GTPBP1: variants seen among roughly 807,000 people sequenced by gnomAD.
GTPBP1 encodes GTP-binding protein 1.
Under a neutral mutation model 62.0 loss-of-function variants are expected in GTPBP1, and 23 were observed. The observed-to-expected ratio is 0.37, with a 90% CI of 0.27 to 0.53. The LOEUF (loss-of-function observed/expected upper bound fraction) is 0.53, where lower values mean the gene tolerates loss of function less well. GTPBP1 is among the 20% of genes least tolerant of loss of function. The pLI, the probability that GTPBP1 is intolerant of heterozygous loss-of-function variation, is 0.89. For synonymous variants in GTPBP1, 344 were observed against 364.4 expected (o/e 0.94, Z 0.64); for missense variants, 640 against 917.3 (o/e 0.70, Z 3.90).
rs191565594 is a variant in GTPBP1 at position 38,723,554 on chromosome 22, C to G, written c.959-743C>G. The stretch of plus-strand genomic sequence containing the variant: ...CCTTTGTCTTGTACTTAGGTCTTGG[C>G]CTGAATTTCCATCAGCCCAGAATCT... On this transcript the variant is annotated intron_variant, in intron 5 of 11. Coordinates refer to ENST00000216044, the MANE Select transcript of GTPBP1 (RefSeq NM_004286.5). 419 of 601,540 alleles carry G rather than the reference C, an allele frequency of 7.0e-4. 4 individuals are homozygous for G. The East Asian group carries it at 0.012, about 17-fold the overall frequency. 37.3% of individuals were successfully genotyped at this position (601,540 alleles called of 1,614,324 possible).
chr22:38,721,389 A>T (rs1249173248), intron 4 of GTPBP1, among the ~76,000 whole-genome samples: 1 of 151,344 alleles, frequency 6.6e-6, no homozygotes, highest in East Asian at 1.9e-4. Flanking sequence ...TAATTTTTGT[A>T]TTTTTTTGTA....
chr22:38,727,964 CCT>C lies in GTPBP1; in HGVS notation c.1538-16_1538-15del. The stretch of plus-strand genomic sequence containing the variant: ...ACCAGGTGGCTCCAGCCTATCCTGA[CCT>C]CTGGCTTCCTTGACAGTGCACTGTG... On this transcript the variant is annotated splice_polypyrimidine_tract_variant and intron_variant, in intron 9 of 11. Transcript: ENST00000216044. The surrounding 1 kb of genome is among the most constrained non-coding windows in gnomAD (Gnocchi z 6.5). 6.2e-7 allele frequency: 1 copy of C among 1,609,726 alleles called. No individual in the cohort carries two copies. The highest frequency in any genetic ancestry group is 1.1e-5 in the South Asian group (1 of 90,972).
chr22:38,742,418 C>G (rs1349061886), downstream of GTPBP1: 2 of 1,613,436 alleles, frequency 1.2e-6, no homozygotes, highest in Non-Finnish European at 1.7e-6. Context: ...CACCACCTCC[C>G]TGGCCAGGAG....
intron 2 of GTPBP1, among the ~76,000 whole-genome samples, chr22:38,715,545 A>G (rs2092664806): frequency 6.6e-6 from 1 of 152,124 alleles, no homozygotes; most frequent in South Asian, 2.1e-4. Context: ...AGAGTGCAGC[A>G]CTTGAGCTGT....
downstream of GTPBP1, chr22:38,734,373 C>A: frequency 2.3e-6 from 1 of 432,694 alleles, no homozygotes; most frequent in Non-Finnish European, 4.8e-6. Flanking sequence ...AGAATCACTG[C>A]ACTCCAAGTG....
chr22:38,738,426 G>A, downstream of GTPBP1: 1 of 1,151,176 alleles, frequency 8.7e-7, no homozygotes, highest in Middle Eastern at 2.3e-4. The surrounding 1 kb of genome is among the most constrained non-coding windows in gnomAD (Gnocchi z 6.6). Flanking sequence ...CAAAGCCTAA[G>A]GTAACAGGGA....
intron 2 of GTPBP1, among the ~76,000 whole-genome samples, chr22:38,712,953 G>C (rs1296615775): frequency 6.6e-6 from 1 of 152,192 alleles, no homozygotes; most frequent in African/African-American, 2.4e-5. Context: ...TGGTTGTGGG[G>C]CATCAGGAAA....
At chr22:38,739,006 G>A (rs747023868), downstream of GTPBP1, 16 of 1,597,332 alleles carry the variant, frequency 1.0e-5, no homozygotes, top group African/African-American at 1.3e-5. This position sits in a 1 kb window ranked among gnomAD's most constrained non-coding sequence, Gnocchi z 6.7. Flanking sequence ...AGGAGAGGAA[G>A]GCAGGGTGGG....
chr22:38,739,863 C>T (rs1426973731), downstream of GTPBP1: 2 of 1,613,576 alleles, frequency 1.2e-6, no homozygotes, highest in Admixed American at 1.7e-5. The surrounding 1 kb of genome is among the most constrained non-coding windows in gnomAD (Gnocchi z 6.7). Context: ...CTTGCATCTC[C>T]TCTCTCTGAA....
In GTPBP1 at chr22:38,726,137, C is replaced by T; in HGVS notation, c.1205C>T (p.Thr402Ile). 6.2e-7 allele frequency: 1 copy of T among 1,612,552 alleles called. No individual in the cohort carries two copies. The highest frequency in any genetic ancestry group is 8.5e-7 in the Non-Finnish European group (1 of 1,178,674). The change falls in exon 7 of 12, where the codon ACC (threonine) becomes ATC (isoleucine). Residue 402 changes from threonine to isoleucine, a missense_variant. This residue lies in a region of GTPBP1 where 220 missense variants were observed against 358.1 expected (regional missense o/e 0.61). Coordinates refer to ENST00000216044, the MANE Select transcript of GTPBP1 (RefSeq NM_004286.5). The surrounding 1 kb of genome is among the most constrained non-coding windows in gnomAD (Gnocchi z 4.1). ...EEPAEFQIDD[T>I]YSVPGVGTVV... ...CCTGCTGAGTTTCAGATTGATGACA[C>T]CTACTCCGTCCCGGTAAGTGGCTCT... is the stretch of plus-strand genomic sequence containing the variant.
downstream of GTPBP1, chr22:38,735,298 A>C: frequency 2.2e-6 from 1 of 452,318 alleles, no homozygotes; most frequent in Non-Finnish European, 4.4e-6. Context: ...GACGACCCCT[A>C]CATCAGGGCC....
At position 38,715,928 on chromosome 22, in the gene GTPBP1, G is replaced by A. The variant is rs774794033; in HGVS notation, c.326G>A (p.Ser109Asn). The change falls in exon 3 of 12, where the codon AGT becomes AAT. Residue 109 changes from serine (S) to asparagine (N), a missense_variant. Around this residue, in one of 4 missense-constraint regions of GTPBP1, gnomAD observed 215 missense variants for 235.1 expected, o/e 0.91. Transcript: ENST00000216044. ...CCAGATGGGACTGAGTATGGGCTGA[G>A]TGAAGCTGACATGGAGGCCTCCTAC... ...QGSDGTEYGL[S>N]EADMEASYAT... 1 of 1,613,868 alleles carries A rather than the reference G, an allele frequency of 6.2e-7. No individual in the cohort carries two copies. Among genetic ancestry groups the A allele is most frequent in the South Asian group, 1.1e-5 (1 of 91,064 alleles).
At chr22:38,742,388 G>A (rs1252438911), downstream of GTPBP1, 12 of 1,613,330 alleles carry the variant, frequency 7.4e-6, no homozygotes, top group Non-Finnish European at 1.0e-5. Context: ...GCGCCAGGGT[G>A]TCCTCGTGGC....
chr22:38,706,252 G>A, intron 1 of GTPBP1, 105 bp downstream of exon 1: 1 of 740,414 alleles, frequency 1.4e-6, no homozygotes, highest in Non-Finnish European at 1.8e-6. Flanking sequence ...CGGGGAGCGC[G>A]GAACGGGAAG....
At chr22:38,714,844 G>T (rs1257509227) in intron 2 of GTPBP1, among the ~76,000 whole-genome samples, 2 of 152,098 alleles carry the variant, frequency 1.3e-5, no homozygotes, top group African/African-American at 4.8e-5. Flanking sequence ...GGCTGAGGGA[G>T]TGATTGTGGA....
At chr22:38,725,884 G>A in intron 6 of GTPBP1, 122 bp from the exon 7 acceptor site, 3 of 867,754 alleles carry the variant, frequency 3.5e-6, no homozygotes, top group South Asian at 1.5e-5. Context: ...AGGGAGAGGT[G>A]GAGTCATGAA....
chr22:38,724,335 G>T lies in GTPBP1; in HGVS notation c.997G>T (p.Gly333Cys). The T allele has an allele frequency of 6.2e-7, 1 of 1,613,674 alleles. No individual in the cohort carries two copies. Among genetic ancestry groups the T allele is most frequent in the Non-Finnish European group, 8.5e-7 (1 of 1,179,652 alleles). Residue 333 changes from glycine to cysteine, a missense_variant, in exon 6 of 12, where the codon GGC becomes TGC. Physicochemically the swap from Gly to Cys is radical, Grantham distance 159. This residue lies in a region of GTPBP1 where 220 missense variants were observed against 358.1 expected (regional missense o/e 0.61). Transcript: ENST00000216044. The stretch of plus-strand genomic sequence containing the variant: ...GTTACAGCGCCTGCTGAAGTCACCA[G>T]GCTGCCGGAAGATCCCCGTGCTGGT... ...KLLQRLLKSP[G>C]CRKIPVLVQS...
intron 6 of GTPBP1, among the ~76,000 whole-genome samples, chr22:38,724,662 G>A (rs2092717707): frequency 6.6e-6 from 1 of 152,182 alleles, no homozygotes; most frequent in East Asian, 1.9e-4. Flanking sequence ...CCTGGGGTTG[G>A]CATCCCGGCT....
downstream of GTPBP1, chr22:38,742,625 GAC>G: frequency 1.3e-6 from 2 of 1,521,780 alleles, no homozygotes; most frequent in Non-Finnish European, 1.8e-6. Context: ...AGACCACCCC[GAC>G]ACAGCCAACA....
Sources: allele counts gnomAD v4.1 joint callset (sites outside exome capture counted in the v4.1 genomes callset), GRCh38; gene constraint gnomAD v4.1.1; regional missense constraint gnomAD v4.1.1; non-coding constraint Gnocchi (gnomAD v3.1); transcripts MANE v1.5; gene names NCBI Gene and HGNC (gene_info 2026-07-23, HGNC 2026-07-21).